Variants in SLC1A6 observed in about 807,000 individuals in gnomAD.
The protein encoded by SLC1A6 is excitatory amino acid transporter 4.
In SLC1A6, 15 loss-of-function variants were observed where a neutral mutation model predicts 42.1. The ratio of observed to expected loss-of-function variants is 0.36; its 90% confidence interval spans 0.24 to 0.55. The LOEUF (loss-of-function observed/expected upper bound fraction) is 0.55, where lower values mean the gene tolerates loss of function less well. Among genes scored for constraint, SLC1A6 ranks in the 20% least tolerant of loss-of-function variants. The probability of loss-of-function intolerance (pLI) is 0.88; values close to 1 mark genes in which losing one functional copy is unlikely to be tolerated. For missense variants in SLC1A6, 542 were observed against 772.5 expected (o/e 0.70, Z 3.54); for synonymous variants, 317 against 319.7 (o/e 0.99, Z 0.09).
intron 3 of SLC1A6, among the ~76,000 whole-genome samples, chr19:14,970,520 G>C (rs2045626645): frequency 6.6e-6 from 1 of 151,208 alleles, no homozygotes; most frequent in African/African-American, 2.4e-5. Flanking sequence ...GACCATCCTG[G>C]CTAGCACGGT....
At chr19:14,974,493 C>T (rs2045681575) in intron 1 of SLC1A6, 1 of 151,082 alleles carries the variant, frequency 6.6e-6, no homozygotes, top group Admixed American at 6.6e-5. Context: ...TAAAACTTGC[C>T]CATCTGTCTA....
intron 3 of SLC1A6, among the ~76,000 whole-genome samples, chr19:14,970,512 C>G (rs1487512782): frequency 6.7e-6 from 1 of 149,808 alleles, no homozygotes; most frequent in Admixed American, 6.7e-5. Flanking sequence ...GAGATCGAGA[C>G]CATCCTGGCT....
intron 1 of SLC1A6, among the ~76,000 whole-genome samples, chr19:15,006,180 A>G (rs976532390): frequency 2.0e-5 from 3 of 152,222 alleles, no homozygotes; most frequent in African/African-American, 2.4e-5. Context: ...CACTTCATTC[A>G]TATTAACTCA....
intron 1 of SLC1A6, among the ~76,000 whole-genome samples, chr19:15,007,526 C>A (rs890309269): frequency 3.3e-5 from 5 of 149,414 alleles, no homozygotes; most frequent in Admixed American, 2.7e-4. Flanking sequence ...TAAAATCATT[C>A]ATTGTATTTA....
chr19:14,969,842 T>C (rs1188296268), intron 3 of SLC1A6, among the ~76,000 whole-genome samples: 1 of 152,226 alleles, frequency 6.6e-6, no homozygotes, highest in Non-Finnish European at 1.5e-5. Context: ...ATATTGTCTA[T>C]GGCTGCTTCT....
intron 1 of SLC1A6, among the ~76,000 whole-genome samples, chr19:14,976,149 T>C (rs2045708558): frequency 6.6e-6 from 1 of 152,086 alleles, no homozygotes; most frequent in African/African-American, 2.4e-5. Flanking sequence ...AAGAACTCCA[T>C]CCCATCCAGA....
chr19:14,959,001 A>T (rs1369953135), intron 6 of SLC1A6, among the ~76,000 whole-genome samples: 1 of 152,212 alleles, frequency 6.6e-6, no homozygotes, highest in African/African-American at 2.4e-5. Context: ...AGTGTTAAAA[A>T]TAGTTTCTTT....
At chr19:15,002,053 T>C (rs922761956) in intron 1 of SLC1A6, among the ~76,000 whole-genome samples, 1 of 152,114 alleles carries the variant, frequency 6.6e-6, no homozygotes, top group African/African-American at 2.4e-5. Context: ...AATGAAAACC[T>C]GATGCACACG....
Position 14,999,323 on chromosome 19 carries a change from C to A in SLC1A6, c.6+11162G>T, listed in dbSNP as rs1476345226. Among the ~76,000 whole-genome samples, 5 of 152,270 alleles carry A rather than the reference C, an allele frequency of 3.3e-5. No individual in the cohort carries two copies. In the South Asian group the frequency reaches 6.2e-4, roughly 19 times the overall value. ...AGGTCTTTATATAAACTCTTTCAAC[C>A]AATTGCCAATTGGAAAATCTTTGAA... On this transcript the variant is annotated intron_variant, in intron 1 of 8. Coordinates refer to the SLC1A6 transcript ENST00000430939.
At chr19:14,964,467 T>C (rs954337165) in intron 4 of SLC1A6, 106 bp from the exon 5 acceptor site, 7 of 878,830 alleles carry the variant, frequency 8.0e-6, no homozygotes, top group Non-Finnish European at 1.4e-5. Context: ...AGCCAACATA[T>C]GAATGCTTCC....
intron 1 of SLC1A6, 128 bp from the exon 2 acceptor site, chr19:14,973,045 G>T: frequency 1.4e-6 from 1 of 706,774 alleles, no homozygotes; most frequent in Non-Finnish European, 2.3e-6. Context: ...GTGGCTGGGT[G>T]TTTTGGCTCA....
intron 5 of SLC1A6, among the ~76,000 whole-genome samples, 184 bp from the exon 6 acceptor site, chr19:14,962,529 G>C (rs2045526175): frequency 6.6e-6 from 1 of 152,142 alleles, no homozygotes; most frequent in Non-Finnish European, 1.5e-5. Flanking sequence ...GTGAATGAAT[G>C]ACTTGAATAG....
In SLC1A6 at chr19:14,993,914, G is replaced by C. The variant is rs144106873; in HGVS notation, c.6+16571C>G. Reference sequence around the variant, plus strand: ...CTTGTAGATAAGATGCTTGGGTGCAGGTGGGCTGTGAGCTGAGCACTTGCA... The same window carrying C: ...CTTGTAGATAAGATGCTTGGGTGCACGTGGGCTGTGAGCTGAGCACTTGCA... On this transcript the variant is annotated intron_variant, in intron 1 of 8. Coordinates refer to the SLC1A6 transcript ENST00000430939. Among the ~76,000 whole-genome samples, 461 of 152,248 alleles carry C rather than the reference G, an allele frequency of 3.0e-3. 1 individual carries two copies. Among genetic ancestry groups the C allele is most frequent in the African/African-American group, 0.01 (420 of 41,556 alleles).
At chr19:14,954,587 C>A (rs1385939038) in intron 7 of SLC1A6, among the ~76,000 whole-genome samples, 2 of 150,994 alleles carry the variant, frequency 1.3e-5, no homozygotes, top group African/African-American at 4.9e-5. Context: ...GAGAATAGGG[C>A]GTGGCAAGGC....
chr19:14,960,760 G>A (rs1276394999), intron 6 of SLC1A6, among the ~76,000 whole-genome samples: 1 of 152,082 alleles, frequency 6.6e-6, no homozygotes, highest in East Asian at 1.9e-4. Context: ...TGGTTACCAG[G>A]GACTCGCAGG....
chr19:14,961,332 TAC>T (rs1256827585), intron 6 of SLC1A6: 2 of 152,270 alleles, frequency 1.3e-5, no homozygotes, highest in Non-Finnish European at 2.9e-5. Context: ...TGAAAATATA[TAC>T]AGTTTTTATT....
At chr19:14,991,698 A>T (rs953846739) in intron 1 of SLC1A6, among the ~76,000 whole-genome samples, 9 of 152,070 alleles carry the variant, frequency 5.9e-5, no homozygotes, top group Admixed American at 5.9e-4. Flanking sequence ...TACCAAAAAA[A>T]CCTCGGTATT....
At chr19:14,990,596 C>T (rs569641570) in intron 1 of SLC1A6, among the ~76,000 whole-genome samples, 1 of 152,108 alleles carries the variant, frequency 6.6e-6, no homozygotes, top group East Asian at 1.9e-4. Flanking sequence ...GTGGTGAAAC[C>T]CTGTCTCTAG....
At chr19:14,967,004 C>A (rs1234257442) in intron 4 of SLC1A6, among the ~76,000 whole-genome samples, 1 of 152,092 alleles carries the variant, frequency 6.6e-6, no homozygotes, top group African/African-American at 2.4e-5. Flanking sequence ...TGTAAGAAAC[C>A]TGCACGTTCT....
Sources: gnomAD v4.1 joint callset for allele counts (sites outside exome capture counted in the v4.1 genomes callset) on GRCh38, gnomAD v4.1.1 for gene constraint, MANE v1.5 for transcripts, NCBI Gene and HGNC (gene_info 2026-07-23, HGNC 2026-07-21) for gene names.